The following DLG2 variants were observed in gnomAD, a reference collection of about 807,000 sequenced individuals.
The protein encoded by DLG2 is disks large homolog 2.
In DLG2, 45 loss-of-function variants were observed where a neutral mutation model predicts 132.5. The ratio of observed to expected loss-of-function variants is 0.34; its 90% CI spans 0.27 to 0.44. The LOEUF (loss-of-function observed/expected upper bound fraction) is 0.44, where lower values mean the gene tolerates loss of function less well. Ranked by LOEUF, DLG2 falls within the 20% of genes least tolerant of loss-of-function variation. The pLI, the probability that DLG2 is intolerant of heterozygous loss-of-function variation, is 1.00. For synonymous variants in DLG2, 424 were observed against 419.6 expected, an observed-to-expected ratio of 1.01 and a Z score of -0.13; for missense variants, 1,045 against 1,196.9, an observed-to-expected ratio of 0.87 and a Z score of 1.87.
At chr11:85,116,388 C>T (rs544081218) in intron 5 of DLG2, among the ~76,000 whole-genome samples, 1 of 151,858 alleles carries the variant, frequency 6.6e-6, no homozygotes, top group East Asian at 1.9e-4. Context: ...TCATATATTT[C>T]TAAATATAGA....
At chr11:84,332,508 CT>C (rs34149557) in intron 7 of DLG2, among the ~76,000 whole-genome samples, 203 of 78,316 alleles carry the variant, frequency 2.6e-3, no homozygotes, top group Middle Eastern at 0.012. Context: ...CCGCGCCTGG[CT>C]TTTTTTTTTT....
At chr11:84,666,201 G>A (rs546357895) in intron 6 of DLG2, among the ~76,000 whole-genome samples, 3 of 152,224 alleles carry the variant, frequency 2.0e-5, no homozygotes, top group South Asian at 4.1e-4. Context: ...AGTAGACTGA[G>A]TAAAGCAGAT....
At chr11:84,795,410 G>C (rs1030292077) in intron 6 of DLG2, among the ~76,000 whole-genome samples, 3 of 152,068 alleles carry the variant, frequency 2.0e-5, no homozygotes, top group Non-Finnish European at 4.4e-5. Flanking sequence ...CACCTTGTCT[G>C]TGGAGGGGAG....
chr11:84,967,323 C>T (rs1465853069), intron 6 of DLG2, among the ~76,000 whole-genome samples: 2 of 152,034 alleles, frequency 1.3e-5, no homozygotes, highest in African/African-American at 4.8e-5. Flanking sequence ...AAAAATTACT[C>T]ACTAAGAAAT....
intron 10 of DLG2, among the ~76,000 whole-genome samples, chr11:84,085,837 G>T (rs914502131): frequency 2.0e-5 from 3 of 152,168 alleles, no homozygotes; most frequent in African/African-American, 7.2e-5. Context: ...TTGTTCCTCT[G>T]TGAGGAATCA....
chr11:85,064,863 G>C (rs958696453), intron 6 of DLG2, among the ~76,000 whole-genome samples: 2 of 151,292 alleles, frequency 1.3e-5, no homozygotes, highest in African/African-American at 2.4e-5. Flanking sequence ...TTCTGCCTTA[G>C]TTTCCACCCT....
intron 7 of DLG2, among the ~76,000 whole-genome samples, chr11:84,359,957 G>GA (rs368001377): frequency 5.7e-4 from 87 of 151,908 alleles, no homozygotes; most frequent in African/African-American, 2.0e-3. Context: ...TAAGACTAGA[G>GA]AAAAAAATAG....
At chr11:84,670,448 G>A (rs778365002) in intron 6 of DLG2, among the ~76,000 whole-genome samples, 13 of 152,234 alleles carry the variant, frequency 8.5e-5, no homozygotes, top group Non-Finnish European at 1.5e-4. Context: ...CCAGGGCTGC[G>A]GGAGATCAAA....
chr11:84,207,654 A>T (rs1383533150), intron 8 of DLG2, among the ~76,000 whole-genome samples: 1 of 152,166 alleles, frequency 6.6e-6, no homozygotes, highest in Non-Finnish European at 1.5e-5. Flanking sequence ...TGGATTAAAA[A>T]CCATTATGTA....
At chr11:84,185,584 C>T (rs2096260374) in intron 8 of DLG2, among the ~76,000 whole-genome samples, 2 of 152,034 alleles carry the variant, frequency 1.3e-5, no homozygotes, top group African/African-American at 2.4e-5. Flanking sequence ...GCCTGATTGC[C>T]CTGGCCAGAA....
At chr11:84,416,141 C>T (rs1212641499) in intron 7 of DLG2, among the ~76,000 whole-genome samples, 1 of 152,100 alleles carries the variant, frequency 6.6e-6, no homozygotes, top group Non-Finnish European at 1.5e-5. Flanking sequence ...TACCAATATC[C>T]TTTCATGACC....
chr11:85,585,579 G>T (rs576960748), intron 3 of DLG2, among the ~76,000 whole-genome samples: 2 of 152,248 alleles, frequency 1.3e-5, no homozygotes, highest in South Asian at 4.1e-4. Context: ...TTACCTTAAG[G>T]TATGTCCCTT....
At chr11:84,531,442 T>C (rs986754321) in intron 7 of DLG2, among the ~76,000 whole-genome samples, 2 of 152,192 alleles carry the variant, frequency 1.3e-5, no homozygotes, top group Non-Finnish European at 2.9e-5. Flanking sequence ...TTTACCTATA[T>C]AACAAACCTG....
At chr11:83,563,172 T>C (rs11233675) in intron 19 of DLG2, among the ~76,000 whole-genome samples, 9,743 of 151,822 alleles carry the variant, frequency 0.064, 398 homozygotes, top group South Asian at 0.12. Flanking sequence ...AGAGACAGGG[T>C]TTCACCATGT....
At chr11:83,938,435 G>A (rs1020155120) in intron 14 of DLG2, among the ~76,000 whole-genome samples, 7 of 152,192 alleles carry the variant, frequency 4.6e-5, no homozygotes, top group Admixed American at 1.3e-4. Flanking sequence ...GTAACAGCAC[G>A]TGCAGATTTA....
At chr11:84,267,452 C>T (rs969714423) in intron 7 of DLG2, among the ~76,000 whole-genome samples, 2 of 152,224 alleles carry the variant, frequency 1.3e-5, no homozygotes, top group African/African-American at 4.8e-5. Context: ...CTCCGTCCTT[C>T]ATCTTCTTTA....
At chr11:84,333,001 G>A (rs1252710628) in intron 7 of DLG2, among the ~76,000 whole-genome samples, 1 of 152,162 alleles carries the variant, frequency 6.6e-6, no homozygotes, top group Non-Finnish European at 1.5e-5. Flanking sequence ...TGGATGAGTA[G>A]GAGCTTTATA....
chr11:84,406,461 G>C (rs1222881316), intron 7 of DLG2, among the ~76,000 whole-genome samples: 3 of 152,152 alleles, frequency 2.0e-5, no homozygotes, highest in Non-Finnish European at 4.4e-5. Flanking sequence ...TGCAAGTACA[G>C]GTGTACACCA....
At chr11:84,430,410 G>T (rs935026806) in intron 7 of DLG2, among the ~76,000 whole-genome samples, 6 of 147,100 alleles carry the variant, frequency 4.1e-5, no homozygotes, top group Non-Finnish European at 5.9e-5. Flanking sequence ...CTTCACTCCA[G>T]CCTGGCAACA....
Sources: allele counts gnomAD v4.1 joint callset (sites outside exome capture counted in the v4.1 genomes callset), GRCh38; gene constraint gnomAD v4.1.1; transcripts MANE v1.5; gene names NCBI Gene and HGNC (gene_info 2026-07-23, HGNC 2026-07-21).